ASTN1: variants seen among roughly 807,000 people sequenced by gnomAD.
ASTN1 encodes astrotactin 1, also known as astrotactin-1.
Under a neutral mutation model 140.7 loss-of-function variants are expected in ASTN1, and 41 were observed. That is an observed-to-expected ratio of 0.29 (90% CI 0.23 to 0.38). ASTN1 has a LOEUF of 0.38. Ranked by LOEUF, ASTN1 falls within the 10% of genes least tolerant of loss-of-function variation. The pLI is 1.00. For missense variants in ASTN1, 1,479 were observed against 1,678.8 expected, an observed-to-expected ratio of 0.88 and a Z score of 2.08; for synonymous variants, 640 against 652.2, an observed-to-expected ratio of 0.98 and a Z score of 0.29.
intron 1 of ASTN1, among the ~76,000 whole-genome samples, chr1:177,123,239 T>A (rs1032724336): frequency 6.6e-6 from 1 of 152,144 alleles, no homozygotes; most frequent in Admixed American, 6.5e-5. Context: ...AGGTGATGGC[T>A]TCATTCCAAC....
chr1:176,913,501 GTAA>G (rs573964524), intron 16 of ASTN1, among the ~76,000 whole-genome samples: 35 of 152,046 alleles, frequency 2.3e-4, no homozygotes, highest in African/African-American at 8.5e-4. Context: ...TGTGATAATA[GTAA>G]TAATAACAGC....
intron 1 of ASTN1, among the ~76,000 whole-genome samples, chr1:177,116,234 T>A (rs1256528332): frequency 6.6e-6 from 1 of 152,190 alleles, no homozygotes. Context: ...GAAGCTCTGT[T>A]TCTATGGCCA....
At chr1:177,011,990 C>T (rs911269522) in intron 8 of ASTN1, among the ~76,000 whole-genome samples, 5 of 152,134 alleles carry the variant, frequency 3.3e-5, no homozygotes, top group Admixed American at 3.3e-4. Context: ...TTTGGTTGTT[C>T]TACTTCAAAG....
intron 1 of ASTN1, among the ~76,000 whole-genome samples, chr1:177,157,605 C>T (rs369702422): frequency 5.9e-5 from 9 of 152,038 alleles, no homozygotes; most frequent in Admixed American, 3.3e-4. Flanking sequence ...TGAGCCACCA[C>T]ACCTGGCCTA....
intron 1 of ASTN1, among the ~76,000 whole-genome samples, chr1:177,141,523 T>C (rs1197322863): frequency 1.3e-5 from 2 of 152,210 alleles, no homozygotes; most frequent in Admixed American, 6.5e-5. Flanking sequence ...TCTGTATTTT[T>C]GGTATCTTCA....
Position 177,116,538 on chromosome 1 carries a change from G to A in ASTN1, c.283+47856C>T, listed in dbSNP as rs565009645. Among the ~76,000 whole-genome samples, 3 of 152,042 alleles carry A rather than the reference G, an allele frequency of 2.0e-5. No individual in the cohort carries two copies. The South Asian group carries it at 6.2e-4, about 32-fold the overall frequency. On this transcript the variant is annotated intron_variant, in intron 1 of 22. Transcript: ENST00000361833. Reference sequence around the variant, plus strand: ...TCATCAACTCTGATTTCCCCTGAAGGTACCTCCTCCCTCTCTTTTCCTTCA... The same window carrying A: ...TCATCAACTCTGATTTCCCCTGAAGATACCTCCTCCCTCTCTTTTCCTTCA...
intron 1 of ASTN1, among the ~76,000 whole-genome samples, chr1:177,159,057 G>T (rs1311999974): frequency 6.1e-4 from 70 of 114,074 alleles, no homozygotes; most frequent in African/African-American, 2.2e-3. Flanking sequence ...ACAAAGCGAG[G>T]ATCCATCTCA....
intron 1 of ASTN1, among the ~76,000 whole-genome samples, chr1:177,147,797 T>A (rs1682783984): frequency 6.6e-6 from 1 of 152,202 alleles, no homozygotes; most frequent in Admixed American, 6.5e-5. Context: ...AGAGTAGGCC[T>A]AAGTCAACTC....
chr1:176,913,650 C>T (rs1397476060), intron 16 of ASTN1, among the ~76,000 whole-genome samples: 1 of 152,146 alleles, frequency 6.6e-6, no homozygotes, highest in Non-Finnish European at 1.5e-5. Flanking sequence ...GTAGGGAAGC[C>T]ATTGAATTTG....
intron 5 of ASTN1, among the ~76,000 whole-genome samples, chr1:177,027,713 A>AGT (rs56405518): frequency 0.15 from 17,397 of 118,384 alleles, 1,402 homozygotes; most frequent in East Asian, 0.32. Context: ...AACCCAGTAC[A>AGT]GTGTGTGTGT....
chr1:176,924,392 G>A (rs560878813), intron 16 of ASTN1, among the ~76,000 whole-genome samples: 5 of 152,118 alleles, frequency 3.3e-5, no homozygotes, highest in Non-Finnish European at 5.9e-5. Flanking sequence ...CAAAATCACC[G>A]TCACTGAGGC....
chr1:176,906,238 CA>C (rs1434481390), intron 16 of ASTN1, among the ~76,000 whole-genome samples: 14 of 152,262 alleles, frequency 9.2e-5, no homozygotes, highest in South Asian at 2.1e-4. Context: ...ACAGACTTAG[CA>C]GCTGTCTCTT....
At chr1:177,012,889 A>G (rs1675362411) in intron 8 of ASTN1, among the ~76,000 whole-genome samples, 1 of 152,228 alleles carries the variant, frequency 6.6e-6, no homozygotes, top group Non-Finnish European at 1.5e-5. Flanking sequence ...GCTAAGAGAC[A>G]GAGATTGGTT....
intron 3 of ASTN1, 91 bp from the exon 4 acceptor site, chr1:177,031,043 G>T (rs1481101737): frequency 2.9e-6 from 4 of 1,372,478 alleles, no homozygotes; most frequent in Non-Finnish European, 3.0e-6. Context: ...AGAAGATAAG[G>T]TCTCACAGAA....
At chr1:177,023,350 T>C in intron 7 of ASTN1, 54 bp downstream of exon 7, 1 of 1,519,220 alleles carries the variant, frequency 6.6e-7, no homozygotes, top group Admixed American at 2.3e-5. Context: ...AGGGAGTGAT[T>C]GCAAGAGGCA....
intron 1 of ASTN1, among the ~76,000 whole-genome samples, chr1:177,127,681 T>C (rs1376231093): frequency 2.6e-5 from 4 of 152,242 alleles, no homozygotes; most frequent in Non-Finnish European, 4.4e-5. Context: ...CCGATACTTG[T>C]GCAGGGCAGC....
chr1:177,053,662 AAT>A (rs1677650461), intron 2 of ASTN1, among the ~76,000 whole-genome samples: 2 of 152,256 alleles, frequency 1.3e-5, no homozygotes, highest in Non-Finnish European at 2.9e-5. Context: ...ATGCTTTGAA[AAT>A]ACTTTTCTAG....
chr1:177,088,544 C>A (rs1359455182), intron 1 of ASTN1, among the ~76,000 whole-genome samples: 1 of 152,200 alleles, frequency 6.6e-6, no homozygotes, highest in East Asian at 1.9e-4. Flanking sequence ...AAGGGAAAAA[C>A]ACACTTTTTT....
In ASTN1 at chr1:177,014,819, T is replaced by C. The variant is rs758017368; in HGVS notation, c.1495A>G (p.Ile499Val). 2 of 1,613,806 alleles carry C rather than the reference T, an allele frequency of 1.2e-6. No homozygotes were observed. Among genetic ancestry groups the C allele is most frequent in the African/African-American group, 2.7e-5 (2 of 74,908 alleles). Residue 499 changes from isoleucine to valine, a missense_variant, in exon 8 of 23, where the codon ATT (isoleucine) becomes GTT (valine). Ile to Val is a conservative substitution (Grantham distance 29, BLOSUM62 3). This residue lies in a region of ASTN1 where 729 missense variants were observed against 860.4 expected (regional missense o/e 0.85). Coordinates refer to ENST00000361833, the MANE Select transcript of ASTN1 (RefSeq NM_004319.3). ...MKDPVHKHLC[I>V]RNEWGTNQGP... is the part of the protein sequence containing the mutation. ...TGGTTTGTCCCCCATTCGTTCCGAATGCAAAGGTGCTTATGTACTGGATCC... is the reference window on the plus strand; with the variant it reads ...TGGTTTGTCCCCCATTCGTTCCGAACGCAAAGGTGCTTATGTACTGGATCC...
Sources: gnomAD v4.1 joint callset for allele counts (sites outside exome capture counted in the v4.1 genomes callset) on GRCh38, gnomAD v4.1.1 for gene constraint, gnomAD v4.1.1 regional missense constraint, MANE v1.5 for transcripts, NCBI Gene and HGNC (gene_info 2026-07-23, HGNC 2026-07-21) for gene names.